Variants in SIPA1L3 observed in about 807,000 individuals in gnomAD.
SIPA1L3 encodes signal-induced proliferation-associated 1-like protein 3.
In SIPA1L3, 59 loss-of-function variants were observed where a neutral mutation model predicts 150.1. The observed-to-expected ratio is 0.39, with a 90% CI of 0.32 to 0.49. The LOEUF (loss-of-function observed/expected upper bound fraction) is 0.49, where lower values mean the gene tolerates loss of function less well. Ranked by LOEUF, SIPA1L3 falls within the 20% of genes least tolerant of loss-of-function variation. SIPA1L3 has a pLI of 0.86. For missense variants in SIPA1L3, 2,211 were observed against 2,489.5 expected (o/e 0.89, Z 2.38); for synonymous variants, 1,070 against 1,077.6 (o/e 0.99, Z 0.14).
At chr19:38,096,602 AG>A (rs1314596761) in intron 4 of SIPA1L3, among the ~76,000 whole-genome samples, 1 of 151,808 alleles carries the variant, frequency 6.6e-6, no homozygotes, top group Non-Finnish European at 1.5e-5. Context: ...GCTTGTAACA[AG>A]CCCCCTGGAG....
intron 7 of SIPA1L3, among the ~76,000 whole-genome samples, chr19:38,108,131 C>T (rs2070859888): frequency 1.3e-5 from 2 of 152,026 alleles, no homozygotes; most frequent in African/African-American, 2.4e-5. Flanking sequence ...TGGGTATAAT[C>T]GTAGTGCCCC....
chr19:37,954,338 G>T (rs533720328), intron 1 of SIPA1L3, among the ~76,000 whole-genome samples: 10 of 152,230 alleles, frequency 6.6e-5, no homozygotes, highest in African/African-American at 2.4e-4. Context: ...GGAAAGACAG[G>T]CAAGTCTGGG....
At chr19:38,052,982 G>A (rs756708956) in intron 2 of SIPA1L3, among the ~76,000 whole-genome samples, 1 of 152,254 alleles carries the variant, frequency 6.6e-6, no homozygotes, top group African/African-American at 2.4e-5. Flanking sequence ...CCTGCATGAG[G>A]TACCAGCATC....
intron 1 of SIPA1L3, among the ~76,000 whole-genome samples, chr19:37,921,438 C>T (rs1382670065): frequency 1.3e-5 from 2 of 152,066 alleles, no homozygotes; most frequent in Non-Finnish European, 2.9e-5. Flanking sequence ...CCAGTGCTGG[C>T]GCCGTTTGTT....
rs762718965 is a variant in SIPA1L3, at chr19:38,152,909, C to T, written c.3603C>T (p.Gly1201=). ...PHFSHDGTSS[G]DSSSGGLTSQ... is the part of the protein sequence containing the mutation. ...TCAGCCACGATGGGACGTCCAGCGG[C>T]GACTCCTCTTCCGGCGGCCTGACCA... Residue 1201 remains glycine (G), a synonymous_variant, in exon 13 of 22, where the codon GGC becomes GGT. Coordinates refer to ENST00000222345, the MANE Select transcript of SIPA1L3 (RefSeq NM_015073.3). 19 of 1,613,656 alleles carry T rather than the reference C, an allele frequency of 1.2e-5. No homozygotes were observed. The Admixed American group carries it at 1.3e-4, about 11-fold the overall frequency.
chr19:37,934,331 G>A (rs1266663426), intron 1 of SIPA1L3, among the ~76,000 whole-genome samples: 2 of 152,154 alleles, frequency 1.3e-5, no homozygotes, highest in African/African-American at 2.4e-5. Flanking sequence ...TGCAGAGCAG[G>A]AGGGAAGCTC....
intron 2 of SIPA1L3, among the ~76,000 whole-genome samples, chr19:38,034,034 GGT>G (rs1451233435): frequency 6.6e-6 from 1 of 152,166 alleles, no homozygotes; most frequent in Non-Finnish European, 1.5e-5. Context: ...GTGTTAGTTT[GGT>G]GGCTGGGCAG....
chr19:38,057,351 C>T (rs1028587025), intron 2 of SIPA1L3, among the ~76,000 whole-genome samples: 2 of 150,168 alleles, frequency 1.3e-5, no homozygotes, highest in Non-Finnish European at 2.9e-5. Context: ...TATATATATA[C>T]GTATATATAT....
In SIPA1L3 at chr19:38,130,588, G is replaced by A; in HGVS notation, c.2959G>A (p.Val987Met). 1 of 1,613,804 alleles carries A rather than the reference G, an allele frequency of 6.2e-7. No homozygotes were observed. Among genetic ancestry groups the A allele is most frequent in the Non-Finnish European group, 8.5e-7 (1 of 1,180,044 alleles). Residue 987 changes from valine to methionine, a missense_variant, in exon 10 of 22, where the codon GTG becomes ATG. Transcript: ENST00000222345. ...CTTCCACGTGAAGTACGACGGCACG[G>A]TGGCCGAGGTTGAGGACTATGGGTT... ...LGFHVKYDGT[V>M]AEVEDYGFAW...
chr19:38,040,425 G>C (rs1236173738), intron 2 of SIPA1L3, among the ~76,000 whole-genome samples: 1 of 151,640 alleles, frequency 6.6e-6, no homozygotes, highest in Non-Finnish European at 1.5e-5. Context: ...TCACTGTTAG[G>C]TTTTTTTAAA....
intron 13 of SIPA1L3, among the ~76,000 whole-genome samples, chr19:38,153,403 C>T (rs1971871855): frequency 6.6e-6 from 1 of 152,100 alleles, no homozygotes; most frequent in Non-Finnish European, 1.5e-5. Flanking sequence ...GGCGGGGTGG[C>T]TCACGCCTAT....
chr19:38,104,759 T>C (rs1275164856), intron 6 of SIPA1L3, among the ~76,000 whole-genome samples: 2 of 151,812 alleles, frequency 1.3e-5, no homozygotes, highest in Non-Finnish European at 2.9e-5. Flanking sequence ...TTAGTAGAGA[T>C]GGGGTTTCAC....
At chr19:38,146,482 G>A (rs1051547755) in intron 12 of SIPA1L3, among the ~76,000 whole-genome samples, 7 of 152,052 alleles carry the variant, frequency 4.6e-5, no homozygotes, top group Admixed American at 2.6e-4. Context: ...GGTAGTTTCC[G>A]AGTTTTGGCT....
chr19:38,176,488 C>G (rs932283783), intron 15 of SIPA1L3, among the ~76,000 whole-genome samples: 7 of 151,986 alleles, frequency 4.6e-5, no homozygotes, highest in African/African-American at 1.7e-4. Context: ...CCTCAAACTC[C>G]TGGGTTCAAG....
At chr19:38,021,584 C>G (rs1968373921) in intron 1 of SIPA1L3, among the ~76,000 whole-genome samples, 1 of 152,002 alleles carries the variant, frequency 6.6e-6, no homozygotes, top group East Asian at 1.9e-4. Context: ...CTCTGTCACC[C>G]AGGCTGCAAT....
chr19:37,949,185 C>G (rs189849418), intron 1 of SIPA1L3, among the ~76,000 whole-genome samples: 40 of 152,352 alleles, frequency 2.6e-4, no homozygotes, highest in Non-Finnish European at 4.4e-4. Context: ...CCATCTCTGT[C>G]TCTTCTTTAT....
At chr19:38,104,238 T>G (rs1315081273) in intron 6 of SIPA1L3, among the ~76,000 whole-genome samples, 1 of 152,208 alleles carries the variant, frequency 6.6e-6, no homozygotes, top group East Asian at 1.9e-4. Context: ...ATCATCACCT[T>G]CCCCTGCTCC....
Position 38,046,225 on chromosome 19 carries a change from GGGAGGCCC to G in SIPA1L3, c.-311+17071_-311+17078del, listed in dbSNP as rs1209903597. ...GCTTGCTGGTCCATCCCAGGCTGCT[GGGAGGCCC>G]GAGAAACAGGTCACAGCAGCCCCGC... On this transcript the variant is annotated intron_variant, in intron 2 of 21. Coordinates refer to ENST00000222345, the MANE Select transcript of SIPA1L3 (RefSeq NM_015073.3). This position sits in a 1 kb window ranked among gnomAD's most constrained non-coding sequence, Gnocchi z 5.6. Among the ~76,000 whole-genome samples, 2 of 152,114 alleles carry G rather than the reference GGGAGGCCC, an allele frequency of 1.3e-5. No individual in the cohort carries two copies. The highest frequency in any genetic ancestry group is 2.9e-5 in the Non-Finnish European group (2 of 68,012).
chr19:38,099,603 A>G (rs907605501), intron 4 of SIPA1L3, among the ~76,000 whole-genome samples: 3 of 152,110 alleles, frequency 2.0e-5, no homozygotes, highest in African/African-American at 7.2e-5. Context: ...CATTGCACCT[A>G]GAGTAGGACT....
Sources: gnomAD v4.1 joint callset for allele counts (sites outside exome capture counted in the v4.1 genomes callset) on GRCh38, gnomAD v4.1.1 for gene constraint, Gnocchi (gnomAD v3.1) non-coding constraint, MANE v1.5 for transcripts, NCBI Gene and HGNC (gene_info 2026-07-23, HGNC 2026-07-21) for gene names.